The following MDGA2 variants were observed in gnomAD, a reference collection of about 807,000 sequenced individuals.
MDGA2 encodes MAM domain-containing glycosylphosphatidylinositol anchor protein 2.
A neutral mutation model predicts 117.8 loss-of-function variants in MDGA2; 40 were observed. The observed-to-expected ratio is 0.34, with a 90% CI of 0.26 to 0.44. MDGA2 has a LOEUF of 0.44. Among genes scored for constraint, MDGA2 ranks in the 20% least tolerant of loss-of-function variants. The pLI, the probability that MDGA2 is intolerant of heterozygous loss-of-function variation, is 1.00. For missense variants in MDGA2, 1,123 were observed against 1,250.6 expected, an observed-to-expected ratio of 0.90 and a Z score of 1.54; for synonymous variants, 452 against 439.0, an observed-to-expected ratio of 1.03 and a Z score of -0.37.
At chr14:47,435,971 T>G (rs1892888954) in intron 1 of MDGA2, among the ~76,000 whole-genome samples, 1 of 152,104 alleles carries the variant, frequency 6.6e-6, no homozygotes, top group African/African-American at 2.4e-5. Context: ...TCTGGGGCTC[T>G]TTTCCTTTTT....
intron 6 of MDGA2, among the ~76,000 whole-genome samples, chr14:47,082,584 C>T (rs991120331): frequency 1.3e-5 from 2 of 151,852 alleles, no homozygotes; most frequent in Non-Finnish European, 2.9e-5. Flanking sequence ...TGTACTTTAT[C>T]TATTATAAGA....
intron 9 of MDGA2, among the ~76,000 whole-genome samples, chr14:46,950,086 T>C (rs1885314287): frequency 6.6e-6 from 1 of 151,964 alleles, no homozygotes; most frequent in Non-Finnish European, 1.5e-5. Flanking sequence ...AAATTCCTCA[T>C]TATATGTTTA....
intron 8 of MDGA2, among the ~76,000 whole-genome samples, chr14:47,017,376 T>C (rs1594531074): frequency 6.6e-6 from 1 of 151,942 alleles, no homozygotes; most frequent in Non-Finnish European, 1.5e-5. Context: ...TATAAAATAT[T>C]CCACTGAATG....
At chr14:47,634,688 G>A (rs1211189636) in intron 1 of MDGA2, among the ~76,000 whole-genome samples, 1 of 151,996 alleles carries the variant, frequency 6.6e-6, no homozygotes, top group Non-Finnish European at 1.5e-5. Context: ...TAGACTGATT[G>A]ATCTTAGTAG....
intron 3 of MDGA2, among the ~76,000 whole-genome samples, chr14:47,201,779 ATTCCAGTCC>A (rs1885517134): frequency 6.6e-6 from 1 of 152,114 alleles, no homozygotes; most frequent in Non-Finnish European, 1.5e-5. Flanking sequence ...CTGAGTTTTT[ATTCCAGTCC>A]CTCCAGATTC....
intron 7 of MDGA2, among the ~76,000 whole-genome samples, chr14:47,058,225 G>A (rs1024960218): frequency 1.3e-5 from 2 of 152,008 alleles, no homozygotes; most frequent in African/African-American, 4.8e-5. Flanking sequence ...GAGATTCGAT[G>A]TAAGATTTTA....
intron 2 of MDGA2, among the ~76,000 whole-genome samples, chr14:47,223,893 G>T (rs893917540): frequency 1.3e-5 from 2 of 152,144 alleles, no homozygotes; most frequent in African/African-American, 4.8e-5. Flanking sequence ...CGGCAGGAGA[G>T]AGAAGTGCCA....
chr14:47,191,873 G>A (rs1885125529), intron 3 of MDGA2, among the ~76,000 whole-genome samples: 1 of 151,414 alleles, frequency 6.6e-6, no homozygotes, highest in Admixed American at 6.6e-5. Flanking sequence ...CACATAGGGA[G>A]GGAATACCAA....
intron 7 of MDGA2, among the ~76,000 whole-genome samples, chr14:47,048,129 A>G (rs1223767423): frequency 2.0e-5 from 3 of 152,014 alleles, no homozygotes; most frequent in Non-Finnish European, 2.9e-5. Context: ...ACATCCCTAT[A>G]TACATCTACT....
rs188407661 is a variant in MDGA2 at position 47,061,635 on chromosome 14, A to T, written c.1196-57T>A. On this transcript the variant is annotated intron_variant, in intron 6 of 16. Coordinates refer to ENST00000399232, the MANE Select transcript of MDGA2 (RefSeq NM_001113498.3). ...GTTACTTTCATAACTTTAAGGATTC[A>T]TTAACTGTAGATAATCATCTCTGAG... 6 of 1,367,270 alleles carry T rather than the reference A, an allele frequency of 4.4e-6. No individual in the cohort carries two copies. In the African/African-American group the frequency reaches 5.8e-5, roughly 13 times the overall value. 84.7% of individuals were successfully genotyped at this position (1,367,270 alleles called of 1,614,324 possible). A position where few individuals can be genotyped will look rare whatever the true frequency, so the allele number is the denominator to read the frequency against.
At chr14:47,459,612 T>C (rs1316436117) in intron 1 of MDGA2, among the ~76,000 whole-genome samples, 1 of 151,880 alleles carries the variant, frequency 6.6e-6, no homozygotes, top group East Asian at 1.9e-4. Context: ...TTCTCCTTTG[T>C]GCAGGTGTGG....
chr14:47,527,545 G>C (rs1894998449), intron 1 of MDGA2, among the ~76,000 whole-genome samples: 1 of 152,186 alleles, frequency 6.6e-6, no homozygotes, highest in Admixed American at 6.5e-5. Context: ...AAAACTGAGG[G>C]CAGAACCTTG....
chr14:47,417,076 T>C (rs1322615777), intron 1 of MDGA2, among the ~76,000 whole-genome samples: 6 of 152,202 alleles, frequency 3.9e-5, no homozygotes, highest in Non-Finnish European at 8.8e-5. Context: ...TGAGTAACTC[T>C]TGGCTTCTGT....
chr14:47,025,967 G>A (rs979274517), intron 8 of MDGA2, among the ~76,000 whole-genome samples: 4 of 152,090 alleles, frequency 2.6e-5, no homozygotes, highest in African/African-American at 9.7e-5. Context: ...TACGCCTCTA[G>A]TAGTCCCGCA....
chr14:47,123,726 C>CA (rs1881763192), intron 5 of MDGA2, among the ~76,000 whole-genome samples: 1 of 151,992 alleles, frequency 6.6e-6, no homozygotes, highest in African/African-American at 2.4e-5. Flanking sequence ...TATGCAGTGA[C>CA]AAAAGTCATC....
chr14:47,509,318 C>T (rs1894588969), intron 1 of MDGA2, among the ~76,000 whole-genome samples: 1 of 152,098 alleles, frequency 6.6e-6, no homozygotes, highest in African/African-American at 2.4e-5. Context: ...GAACTAAGGA[C>T]AATGAGTTAA....
At chr14:47,233,299 T>C (rs1215287293) in intron 2 of MDGA2, among the ~76,000 whole-genome samples, 1 of 152,098 alleles carries the variant, frequency 6.6e-6, no homozygotes, top group Non-Finnish European at 1.5e-5. Context: ...TATAAAACAC[T>C]AAACTATATG....
chr14:47,171,771 C>T (rs1884148488), intron 3 of MDGA2, among the ~76,000 whole-genome samples: 2 of 152,162 alleles, frequency 1.3e-5, no homozygotes, highest in South Asian at 4.1e-4. Flanking sequence ...GTTCATCTCA[C>T]TAGGGAGTGC....
intron 1 of MDGA2, among the ~76,000 whole-genome samples, chr14:47,519,679 T>C (rs1894828467): frequency 1.3e-5 from 2 of 152,196 alleles, no homozygotes; most frequent in Admixed American, 1.3e-4. Flanking sequence ...ACTTTCCAAG[T>C]CACATTGTTT....
Sources: gnomAD v4.1 joint callset for allele counts (sites outside exome capture counted in the v4.1 genomes callset) on GRCh38, gnomAD v4.1.1 for gene constraint, MANE v1.5 for transcripts, NCBI Gene and HGNC (gene_info 2026-07-23, HGNC 2026-07-21) for gene names.